Variants in DTNA observed in about 807,000 individuals in gnomAD.
The protein encoded by DTNA is dystrobrevin alpha.
DTNA carries 43 observed loss-of-function variants against 100.7 expected under a neutral mutation model. That is an observed-to-expected ratio of 0.43 (90% CI 0.33 to 0.55). The LOEUF (loss-of-function observed/expected upper bound fraction) is 0.55, where lower values mean the gene tolerates loss of function less well. Among genes scored for constraint, DTNA ranks in the 20% least tolerant of loss-of-function variants. The pLI, the probability that DTNA is intolerant of heterozygous loss-of-function variation, is 0.04. For missense variants in DTNA, 798 were observed against 953.9 expected (o/e 0.84, Z 2.15); for synonymous variants, 349 against 347.9 (o/e 1.00, Z -0.04).
At chr18:34,603,839 TCTTCAA>T (rs1302008207) in intron 1 of DTNA, among the ~76,000 whole-genome samples, 1 of 152,226 alleles carries the variant, frequency 6.6e-6, no homozygotes, top group African/African-American at 2.4e-5. Context: ...AACTTCAACA[TCTTCAA>T]CTTCTTTTTC....
At position 34,723,316 on chromosome 18, in the gene DTNA, T is replaced by A. The variant is rs544618692; in HGVS notation, c.-2+12871T>A. On this transcript the variant is annotated intron_variant, in intron 1 of 22. Coordinates refer to ENST00000444659, the MANE Select transcript of DTNA (RefSeq NM_001386795.1). ...GATCTTCACAACAGTCCTAAAAGGT[T>A]AAACACTATAGTGCCACATCCTGTG... Among the ~76,000 whole-genome samples, 11 of 152,282 alleles carry A rather than the reference T, an allele frequency of 7.2e-5. No individual in the cohort carries two copies. The South Asian group carries it at 1.9e-3, about 26-fold the overall frequency.
At chr18:34,553,191 T>C (rs1163075738) in intron 1 of DTNA, among the ~76,000 whole-genome samples, 2 of 152,014 alleles carry the variant, frequency 1.3e-5, no homozygotes, top group Non-Finnish European at 2.9e-5. Context: ...GAGAAGTGTC[T>C]GTTCATGTCT....
chr18:34,600,819 GAC>G (rs748610336), intron 1 of DTNA, among the ~76,000 whole-genome samples: 5 of 152,202 alleles, frequency 3.3e-5, no homozygotes, highest in Non-Finnish European at 5.9e-5. Flanking sequence ...CAATTTCAGT[GAC>G]ATATAGAAAC....
chr18:34,770,288 A>G (rs1162208667), intron 3 of DTNA, among the ~76,000 whole-genome samples: 4 of 152,222 alleles, frequency 2.6e-5, no homozygotes, highest in Non-Finnish European at 5.9e-5. Context: ...TACTAACAAA[A>G]CTAAGTTTTA....
chr18:34,670,445 C>G (rs1274612948), intron 1 of DTNA, among the ~76,000 whole-genome samples: 2 of 152,212 alleles, frequency 1.3e-5, no homozygotes, highest in African/African-American at 4.8e-5. Flanking sequence ...CTCCGTCCAG[C>G]TTTGTTCCAT....
chr18:34,794,339 C>T (rs986681058), intron 4 of DTNA, 89 bp downstream of exon 4: 14 of 1,425,228 alleles, frequency 9.8e-6, no homozygotes, highest in African/African-American at 1.5e-5. Context: ...AATTTTATAT[C>T]TCTCTCTTTT....
intron 14 of DTNA, 49 bp from the exon 15 acceptor site, chr18:34,851,782 A>G (rs767190621): frequency 1.3e-6 from 2 of 1,589,882 alleles, no homozygotes; most frequent in African/African-American, 1.3e-5. Context: ...TCCCAAATAC[A>G]TAGGTTCACA....
chr18:34,596,874 G>A (rs1484944065), intron 1 of DTNA, among the ~76,000 whole-genome samples: 3 of 151,764 alleles, frequency 2.0e-5, no homozygotes, highest in African/African-American at 7.3e-5. Context: ...TTAATTATAC[G>A]CAAGTTGTGG....
intron 1 of DTNA, among the ~76,000 whole-genome samples, chr18:34,520,595 A>G (rs2042061037): frequency 6.6e-6 from 1 of 152,178 alleles, no homozygotes; most frequent in Admixed American, 6.5e-5. Flanking sequence ...CAAAGGTTGC[A>G]GTGAGCCGAG....
intron 11 of DTNA, among the ~76,000 whole-genome samples, chr18:34,834,609 C>G (rs1289732065): frequency 1.3e-5 from 2 of 152,052 alleles, no homozygotes; most frequent in African/African-American, 4.8e-5. Context: ...CCACTTATGA[C>G]AGAAGGCAAA....
At chr18:34,818,378 C>T in intron 8 of DTNA, 48 bp downstream of exon 8, 2 of 1,601,292 alleles carry the variant, frequency 1.2e-6, no homozygotes, top group East Asian at 4.5e-5. Context: ...GTGAGTGTTG[C>T]CCAGAGTTAA....
intron 1 of DTNA, among the ~76,000 whole-genome samples, chr18:34,738,774 A>C (rs1480427): frequency 0.035 from 5,358 of 152,314 alleles, 298 homozygotes; most frequent in African/African-American, 0.12. Context: ...TTTTGTGCAT[A>C]CATAGCTAAC....
intron 1 of DTNA, among the ~76,000 whole-genome samples, chr18:34,625,826 C>G (rs999556811): frequency 6.6e-6 from 1 of 152,122 alleles, no homozygotes; most frequent in Non-Finnish European, 1.5e-5. Context: ...GAAGGTAAGA[C>G]TTGAAATGAT....
chr18:34,581,621 GTT>G (rs760995588), intron 1 of DTNA, among the ~76,000 whole-genome samples: 2 of 110,350 alleles, frequency 1.8e-5, no homozygotes, highest in Admixed American at 8.7e-5. Context: ...CCCCTAGTTA[GTT>G]TTTTTTTTTT....
At chr18:34,704,911 A>G (rs1161795079) in intron 1 of DTNA, among the ~76,000 whole-genome samples, 1 of 152,184 alleles carries the variant, frequency 6.6e-6, no homozygotes, top group African/African-American at 2.4e-5. Flanking sequence ...CTGAGAGAGA[A>G]TATATCCATC....
intron 1 of DTNA, among the ~76,000 whole-genome samples, chr18:34,553,126 C>T (rs1257408207): frequency 1.3e-5 from 2 of 149,836 alleles, no homozygotes; most frequent in Non-Finnish European, 3.0e-5. Flanking sequence ...CTCTGATGGC[C>T]AGTGATGATG....
chr18:34,888,838 G>C lies in DTNA; in HGVS notation c.*1104G>C, dbSNP rs1268999397. On this transcript the variant is annotated 3_prime_UTR_variant, in exon 23 of 23. Coordinates refer to ENST00000444659, the MANE Select transcript of DTNA (RefSeq NM_001386795.1). The stretch of plus-strand genomic sequence containing the variant: ...AGCTTTAAATGTACAGGCTTAAAGT[G>C]CGCTTGCAAACGTTTGCTCTCCTTT... The C allele has an allele frequency of 3.0e-6, 3 of 985,848 alleles. No homozygotes were observed. The African/African-American group carries it at 5.2e-5, about 17-fold the overall frequency. 61.1% of individuals were successfully genotyped at this position (985,848 alleles called of 1,614,324 possible). A position where few individuals can be genotyped will look rare whatever the true frequency, so the allele number is the denominator to read the frequency against.
chr18:34,521,400 G>C (rs1173136520), intron 1 of DTNA, among the ~76,000 whole-genome samples: 2 of 152,068 alleles, frequency 1.3e-5, no homozygotes, highest in Admixed American at 1.3e-4. Flanking sequence ...GGCTTCCATG[G>C]CTAGTCCTTC....
chr18:34,707,391 G>A (rs1400980827), upstream of DTNA, among the ~76,000 whole-genome samples: 1 of 152,108 alleles, frequency 6.6e-6, no homozygotes, highest in Non-Finnish European at 1.5e-5. Flanking sequence ...TTCACATGAG[G>A]GGGAAGTTTA....
Sources: gnomAD v4.1 joint callset for allele counts (sites outside exome capture counted in the v4.1 genomes callset) on GRCh38, gnomAD v4.1.1 for gene constraint, MANE v1.5 for transcripts, NCBI Gene and HGNC (gene_info 2026-07-23, HGNC 2026-07-21) for gene names.